Variants in PDGFD observed in about 807,000 individuals in gnomAD.
The protein encoded by PDGFD is platelet-derived growth factor D.
A neutral mutation model predicts 44.7 loss-of-function variants in PDGFD; 30 were observed. The observed-to-expected ratio is 0.67, with a 90% CI of 0.50 to 0.91. PDGFD has a LOEUF of 0.91. PDGFD is among the 40% of genes least tolerant of loss of function. The pLI, the probability that PDGFD is intolerant of heterozygous loss-of-function variation, is 0.00. For synonymous variants in PDGFD, 173 were observed against 168.4 expected (o/e 1.03, Z -0.21); for missense variants, 445 against 457.8 (o/e 0.97, Z 0.25).
At chr11:104,103,926 C>T (rs1031421562) in intron 1 of PDGFD, among the ~76,000 whole-genome samples, 6 of 151,890 alleles carry the variant, frequency 4.0e-5, no homozygotes, top group Admixed American at 1.3e-4. Context: ...CAGCCTTAGG[C>T]AGGTCCTTCA....
intron 1 of PDGFD, among the ~76,000 whole-genome samples, chr11:104,021,941 A>T (rs1859960388): frequency 6.6e-6 from 1 of 152,042 alleles, no homozygotes; most frequent in Non-Finnish European, 1.5e-5. Flanking sequence ...GGTGGTAAAA[A>T]CCCATTAATT....
chr11:103,966,876 C>G (rs1253730934), intron 3 of PDGFD, among the ~76,000 whole-genome samples: 1 of 152,110 alleles, frequency 6.6e-6, no homozygotes, highest in Non-Finnish European at 1.5e-5. Context: ...TCACTCTTCT[C>G]TCCTGTAACC....
At chr11:103,998,107 G>T (rs541652282) in intron 2 of PDGFD, among the ~76,000 whole-genome samples, 2 of 152,248 alleles carry the variant, frequency 1.3e-5, no homozygotes, top group African/African-American at 4.8e-5. Context: ...GTAATAATAA[G>T]AAATATATAT....
At chr11:103,940,639 G>T (rs763221796) in intron 5 of PDGFD, among the ~76,000 whole-genome samples, 8 of 152,118 alleles carry the variant, frequency 5.3e-5, no homozygotes, top group Non-Finnish European at 1.2e-4. Context: ...GAAAATACCA[G>T]CTGAAATATT....
chr11:103,998,029 A>G (rs1203657660), intron 2 of PDGFD, among the ~76,000 whole-genome samples: 1 of 152,184 alleles, frequency 6.6e-6, no homozygotes, highest in Non-Finnish European at 1.5e-5. Flanking sequence ...CAGGATGTCA[A>G]AAGGACTCAC....
At chr11:104,126,847 A>G (rs1160790756) in intron 1 of PDGFD, among the ~76,000 whole-genome samples, 1 of 141,734 alleles carries the variant, frequency 7.1e-6, no homozygotes, top group African/African-American at 2.5e-5. Flanking sequence ...AAAGCACTCC[A>G]ATTTAGAAAA....
chr11:104,047,203 G>A lies in PDGFD; in HGVS notation c.125-46948C>T, dbSNP rs1239181068. Among the ~76,000 whole-genome samples, 5 of 147,502 alleles carry A rather than the reference G, an allele frequency of 3.4e-5. 1 individual carries two copies. Among genetic ancestry groups the A allele is most frequent in the Non-Finnish European group, 7.6e-5 (5 of 66,018 alleles). On this transcript the variant is annotated intron_variant, in intron 1 of 6. Coordinates refer to ENST00000393158, the MANE Select transcript of PDGFD (RefSeq NM_025208.5). ...GTGAACAGTGCTGCAATAAACATAC[G>A]TGTGCATGTATCTTTATACTAGAAT...
At chr11:104,138,822 C>T (rs1969076) in intron 1 of PDGFD, among the ~76,000 whole-genome samples, 1 of 152,016 alleles carries the variant, frequency 6.6e-6, no homozygotes, top group Non-Finnish European at 1.5e-5. Flanking sequence ...AGTGCAGAGG[C>T]ATGATCTTGG....
chr11:104,103,884 T>C (rs961323050), intron 1 of PDGFD, among the ~76,000 whole-genome samples: 6 of 152,134 alleles, frequency 3.9e-5, no homozygotes, highest in Non-Finnish European at 8.8e-5. Flanking sequence ...GTATTCCTTC[T>C]ACTTATATTT....
At chr11:103,943,308 T>C (rs1565290790) in intron 5 of PDGFD, 144 bp downstream of exon 5, 1 of 743,136 alleles carries the variant, frequency 1.3e-6, no homozygotes, top group East Asian at 2.7e-5. Context: ...AGCCAGCAAG[T>C]ATAAATGTAA....
intron 1 of PDGFD, among the ~76,000 whole-genome samples, chr11:104,132,483 T>G (rs923881320): frequency 2.0e-5 from 3 of 152,080 alleles, no homozygotes; most frequent in Non-Finnish European, 4.4e-5. Flanking sequence ...GCAACCTCTT[T>G]AAGTGGGGGC....
intron 1 of PDGFD, among the ~76,000 whole-genome samples, chr11:104,077,362 G>A (rs1469387438): frequency 6.6e-6 from 1 of 152,172 alleles, no homozygotes; most frequent in Non-Finnish European, 1.5e-5. Context: ...GAAATAGAGA[G>A]CAAATTCTGG....
chr11:104,037,078 G>C, intron 1 of PDGFD: 1 of 1,614,240 alleles, frequency 6.2e-7, no homozygotes, highest in Non-Finnish European at 8.5e-7. Context: ...TCGGGCTCCA[G>C]GGCGTGCCCC....
At chr11:104,047,749 T>C (rs1860466028) in intron 1 of PDGFD, among the ~76,000 whole-genome samples, 1 of 151,324 alleles carries the variant, frequency 6.6e-6, no homozygotes, top group African/African-American at 2.4e-5. Flanking sequence ...TAACTTTCCA[T>C]GGTTTTATGA....
chr11:103,979,321 C>T (rs980755487), intron 3 of PDGFD, among the ~76,000 whole-genome samples: 1 of 151,980 alleles, frequency 6.6e-6, no homozygotes, highest in Non-Finnish European at 1.5e-5. Context: ...TAATGATTCC[C>T]CACTCCTTCC....
chr11:103,923,062 C>G (rs373489355), intron 6 of PDGFD, among the ~76,000 whole-genome samples: 1 of 152,278 alleles, frequency 6.6e-6, no homozygotes, highest in African/African-American at 2.4e-5. Context: ...TTTTTTGGGT[C>G]TTCCTTACCA....
At chr11:104,040,947 T>G (rs568358777) in intron 1 of PDGFD, among the ~76,000 whole-genome samples, 1 of 151,996 alleles carries the variant, frequency 6.6e-6, no homozygotes, top group African/African-American at 2.4e-5. Context: ...TTACAAAACA[T>G]GGACTGACCA....
At chr11:103,978,450 AAATT>A (rs1859215566) in intron 3 of PDGFD, among the ~76,000 whole-genome samples, 1 of 152,088 alleles carries the variant, frequency 6.6e-6, no homozygotes, top group Middle Eastern at 3.2e-3. Flanking sequence ...TTATGAAAAC[AAATT>A]AATTAAGATG....
rs1190552188 is a variant in PDGFD, at chr11:103,926,951, G to A, written c.948C>T (p.Cys316=). The A allele has an allele frequency of 6.2e-7, 1 of 1,614,124 alleles. No homozygotes were observed. Among genetic ancestry groups the A allele is most frequent in the East Asian group, 2.2e-5 (1 of 44,868 alleles). ...TCACGGTTTTCCCTGAATTGCATGT[G>A]CAGGACCTCCAGTTGACAGTTCCAC... ...CGCGTVNWRS[C]TCNSGKTVKK... is the part of the protein sequence containing the mutation. The change falls in exon 6 of 7, where the codon TGC becomes TGT. Residue 316 remains cysteine (C), a synonymous_variant. Transcript: ENST00000393158.
Sources: allele counts gnomAD v4.1 joint callset (sites outside exome capture counted in the v4.1 genomes callset), GRCh38; gene constraint gnomAD v4.1.1; transcripts MANE v1.5; gene names NCBI Gene and HGNC (gene_info 2026-07-23, HGNC 2026-07-21).